The following EVC2 variants were observed in gnomAD, a reference collection of about 807,000 sequenced individuals.
The protein encoded by EVC2 is limbin.
EVC2 carries 148 observed loss-of-function variants against 149.3 expected under a neutral mutation model. That is an observed-to-expected ratio of 0.99 (90% confidence interval 0.87 to 1.14). EVC2 has a LOEUF of 1.14. EVC2 is among the 50% of genes most tolerant of loss of function. The probability of loss-of-function intolerance (pLI) is 0.00; values close to 1 mark genes in which losing one functional copy is unlikely to be tolerated. For synonymous variants in EVC2, 776 were observed against 649.9 expected, an observed-to-expected ratio of 1.19 and a Z score of -2.95; for missense variants, 1,854 against 1,627.3, an observed-to-expected ratio of 1.14 and a Z score of -2.40.
chr4:5,538,203 C>A (rs960674245), downstream of EVC2, among the ~76,000 whole-genome samples: 3 of 151,920 alleles, frequency 2.0e-5, no homozygotes, highest in African/African-American at 7.3e-5. Context: ...ATATTATGAA[C>A]AGCTTTATGC....
At chr4:5,615,664 G>T in intron 15 of EVC2, 120 bp from the exon 16 acceptor site, 1 of 1,435,884 alleles carries the variant, frequency 7.0e-7, no homozygotes, top group Non-Finnish European at 9.8e-7. Context: ...GCAAAACTCT[G>T]CCTTAGGCCA....
rs1335097050 is a variant in EVC2, at chr4:5,625,373, G to A, written c.2046+376C>T. ...AAACCCAGTGGTATCTCCCTCATAG[G>A]GTTAATATACAGATTAAACAAGATA... is the stretch of plus-strand genomic sequence containing the variant. On this transcript the variant is annotated intron_variant, in intron 13 of 21. Coordinates refer to ENST00000344408, the MANE Select transcript of EVC2 (RefSeq NM_147127.5). The surrounding 1 kb of genome is among the most constrained non-coding windows in gnomAD (Gnocchi z 4.0). Among the ~76,000 whole-genome samples the A allele has an allele frequency of 6.7e-6, 1 of 148,422 alleles. No individual in the cohort carries two copies. Among genetic ancestry groups the A allele is most frequent in the Non-Finnish European group, 1.5e-5 (1 of 67,222 alleles).
chr4:5,589,928 G>T (rs1298479407), intron 16 of EVC2, among the ~76,000 whole-genome samples: 1 of 152,122 alleles, frequency 6.6e-6, no homozygotes, highest in Non-Finnish European at 1.5e-5. Flanking sequence ...GGTGGAATAT[G>T]GTGGGTTCCA....
chr4:5,566,179 G>C (rs879741338), intron 20 of EVC2, among the ~76,000 whole-genome samples: 2 of 152,264 alleles, frequency 1.3e-5, no homozygotes, highest in Non-Finnish European at 2.9e-5. Flanking sequence ...ATGAAGGTGC[G>C]TGGTCCTAGA....
In EVC2 at chr4:5,584,795, C is replaced by G. The variant is rs748869122; in HGVS notation, c.2885G>C (p.Gly962Ala). The G allele has an allele frequency of 6.2e-7, 1 of 1,614,162 alleles. No homozygotes were observed. Among genetic ancestry groups the G allele is most frequent in the Non-Finnish European group, 8.5e-7 (1 of 1,180,032 alleles). Residue 962 changes from glycine (G) to alanine (A), a missense_variant, in exon 17 of 22, where the codon GGC becomes GCC. Coordinates refer to ENST00000344408, the MANE Select transcript of EVC2 (RefSeq NM_147127.5). Reference sequence around the variant, plus strand: ...CAGAGCAACAAGCGACTGTGCAAAGCCTCCCTCCTGTGCCTCCATCCGCTG... The same window carrying G: ...CAGAGCAACAAGCGACTGTGCAAAGGCTCCCTCCTGTGCCTCCATCCGCTG... ...RVQRMEAQEG[G>A]FAQSLVALQF...
intron 1 of EVC2, among the ~76,000 whole-genome samples, chr4:5,703,677 C>T (rs1269154808): frequency 1.3e-5 from 2 of 152,134 alleles, no homozygotes; most frequent in East Asian, 1.9e-4. Context: ...AATGAGGATA[C>T]GTTGACAAAC....
chr4:5,554,019 C>T (rs1281716908), intron 21 of EVC2, among the ~76,000 whole-genome samples: 1 of 151,982 alleles, frequency 6.6e-6, no homozygotes. Context: ...TTGCCATATA[C>T]CAAAACTGGA....
rs913027453 is a variant in EVC2 at position 5,576,322 on chromosome 4, C to A, written c.3190G>T (p.Val1064Leu). 2 of 1,614,056 alleles carry A rather than the reference C, an allele frequency of 1.2e-6. No homozygotes were observed. Among genetic ancestry groups the A allele is most frequent in the Non-Finnish European group, 1.7e-6 (2 of 1,180,040 alleles). Residue 1064 changes from valine (V) to leucine (L), a missense_variant, in exon 18 of 22, where the codon GTG becomes TTG. Coordinates refer to ENST00000344408, the MANE Select transcript of EVC2 (RefSeq NM_147127.5). This position sits in a 1 kb window ranked among gnomAD's most constrained non-coding sequence, Gnocchi z 4.5. The stretch of plus-strand genomic sequence containing the variant: ...GTAGAGACCTGCCTTTCAGAATCCA[C>A]CTCCCCAGGTTCGTTCAGAATCCCG... ...GPGILNEPGE[V>L]DSERQVSTVL...
intron 16 of EVC2, among the ~76,000 whole-genome samples, chr4:5,608,389 G>C (rs946818326): frequency 2.6e-5 from 4 of 152,130 alleles, no homozygotes; most frequent in African/African-American, 9.7e-5. Context: ...GAACTCCAAG[G>C]GACCTCCCAC....
intron 4 of EVC2, among the ~76,000 whole-genome samples, chr4:5,689,919 T>C (rs567914218): frequency 7.9e-5 from 12 of 152,316 alleles, no homozygotes; most frequent in African/African-American, 2.2e-4. Context: ...TCTCTAATCT[T>C]GTCTCCCAGC....
intron 7 of EVC2, among the ~76,000 whole-genome samples, chr4:5,666,077 A>AAC (rs528302921): frequency 7.9e-4 from 121 of 152,266 alleles, no homozygotes; most frequent in African/African-American, 2.5e-3. Context: ...ACCCTCTATT[A>AAC]ACTTTAGATT....
At chr4:5,586,719 A>C (rs6820428) in intron 16 of EVC2, among the ~76,000 whole-genome samples, 72,633 of 151,966 alleles carry the variant, frequency 0.48, 19,484 homozygotes, top group East Asian at 0.86. Context: ...CAATCAGAAA[A>C]TCTTTTCATC....
At chr4:5,638,697 A>C (rs768686343) in intron 10 of EVC2, among the ~76,000 whole-genome samples, 4 of 152,166 alleles carry the variant, frequency 2.6e-5, no homozygotes, top group Non-Finnish European at 5.9e-5. Context: ...AGATCTTATG[A>C]GATCATCCTG....
intron 2 of EVC2, among the ~76,000 whole-genome samples, chr4:5,695,034 G>A (rs7659096): frequency 0.29 from 44,504 of 151,878 alleles, 6,629 homozygotes; most frequent in African/African-American, 0.32. Flanking sequence ...AGACACAAAC[G>A]CCTGCTGAGC....
At chr4:5,619,432 T>C (rs956644580) in intron 14 of EVC2, among the ~76,000 whole-genome samples, 2 of 151,946 alleles carry the variant, frequency 1.3e-5, no homozygotes, top group Non-Finnish European at 2.9e-5. Flanking sequence ...GGGTGAGACG[T>C]CTACAAGCCA....
chr4:5,589,955 A>G (rs546125767), intron 16 of EVC2, among the ~76,000 whole-genome samples: 1 of 152,222 alleles, frequency 6.6e-6, no homozygotes, highest in South Asian at 2.1e-4. Context: ...AGGTCTGTAT[A>G]TGGTGCTATG....
At chr4:5,547,149 C>T (rs1023323859) in intron 21 of EVC2, among the ~76,000 whole-genome samples, 1 of 152,224 alleles carries the variant, frequency 6.6e-6, no homozygotes, top group Non-Finnish European at 1.5e-5. Flanking sequence ...GTGCCTGCTC[C>T]GATCTCAGAG....
At chr4:5,626,054 G>A (rs1716085161) in intron 12 of EVC2, 146 bp from the exon 13 acceptor site, 1 of 950,796 alleles carries the variant, frequency 1.1e-6, no homozygotes, top group East Asian at 2.5e-5. Context: ...AGAATGGGCA[G>A]CTAAGATATT....
rs565903052 is a variant in EVC2, at chr4:5,640,396, G to A, written c.1470+118C>T. On this transcript the variant is annotated intron_variant, in intron 10 of 21. Coordinates refer to ENST00000344408, the MANE Select transcript of EVC2 (RefSeq NM_147127.5). The surrounding 1 kb of genome is among the most constrained non-coding windows in gnomAD (Gnocchi z 4.6). Reference sequence around the variant, plus strand: ...TGAATAGATGAATGAGTGGGTGGTTGGATGGATGATGGGTAGACGGATGGA... The same window carrying A: ...TGAATAGATGAATGAGTGGGTGGTTAGATGGATGATGGGTAGACGGATGGA... 4.2e-5 allele frequency: 49 copies of A among 1,170,568 alleles called. 2 individuals are homozygous for A. In the South Asian group the frequency reaches 5.0e-4, roughly 12 times the overall value. The allele number at this position is 1,170,568 out of a possible 1,614,324, so 72.5% of individuals were successfully genotyped here. A position where few individuals can be genotyped will look rare whatever the true frequency, so the allele number is the denominator to read the frequency against.
Sources: allele counts gnomAD v4.1 joint callset (sites outside exome capture counted in the v4.1 genomes callset), GRCh38; gene constraint gnomAD v4.1.1; non-coding constraint Gnocchi (gnomAD v3.1); transcripts MANE v1.5; gene names NCBI Gene and HGNC (gene_info 2026-07-23, HGNC 2026-07-21).